Variants in NRXN1 observed in about 807,000 individuals in gnomAD.
The protein encoded by NRXN1 is neurexin-1.
NRXN1 carries 39 observed loss-of-function variants against 150.9 expected under a neutral mutation model. The ratio of observed to expected loss-of-function variants is 0.26; its 90% confidence interval spans 0.20 to 0.34. The LOEUF is 0.34. NRXN1 is among the 10% of genes least tolerant of loss of function. The pLI is 1.00. For synonymous variants in NRXN1, 924 were observed against 757.0 expected (o/e 1.22, Z -3.62); for missense variants, 1,815 against 1,949.9 (o/e 0.93, Z 1.30).
At chr2:50,141,431 C>T (rs977267807) in intron 18 of NRXN1, among the ~76,000 whole-genome samples, 6 of 151,848 alleles carry the variant, frequency 4.0e-5, no homozygotes, top group Non-Finnish European at 8.8e-5. Flanking sequence ...CTCAGAAACA[C>T]AGGGAACAAA....
At chr2:50,516,572 GT>G (rs781614431) in intron 12 of NRXN1, among the ~76,000 whole-genome samples, 1 of 152,110 alleles carries the variant, frequency 6.6e-6, no homozygotes, top group Non-Finnish European at 1.5e-5. Flanking sequence ...GCCAGGCCTG[GT>G]GCCAATCATG....
chr2:50,253,868 G>C (rs1432070312), intron 17 of NRXN1, among the ~76,000 whole-genome samples: 2 of 103,682 alleles, frequency 1.9e-5, no homozygotes, highest in African/African-American at 7.8e-5. Flanking sequence ...TTGACCTGAA[G>C]TTTTCTTTTT....
At chr2:50,639,609 A>G (rs537709234) in intron 5 of NRXN1, among the ~76,000 whole-genome samples, 1 of 152,140 alleles carries the variant, frequency 6.6e-6, no homozygotes, top group Non-Finnish European at 1.5e-5. Context: ...TGTAAAATAC[A>G]TGACAGTCTA....
chr2:50,768,547 T>C (rs1056106309), intron 5 of NRXN1, among the ~76,000 whole-genome samples: 1 of 151,864 alleles, frequency 6.6e-6, no homozygotes, highest in African/African-American at 2.4e-5. Flanking sequence ...GCTCAAGTGA[T>C]CTGCCCATGT....
chr2:50,503,446 C>T (rs1290408696), intron 13 of NRXN1, among the ~76,000 whole-genome samples: 1 of 149,752 alleles, frequency 6.7e-6, no homozygotes, highest in Non-Finnish European at 1.5e-5. Context: ...CATTTGCGCA[C>T]CAAAATCATA....
chr2:50,693,410 C>T (rs1692346557), intron 5 of NRXN1, among the ~76,000 whole-genome samples: 1 of 152,126 alleles, frequency 6.6e-6, no homozygotes, highest in Admixed American at 6.6e-5. Context: ...TGCCTCCTGA[C>T]TTCTTGGAGG....
chr2:50,024,376 A>G (rs931719645), intron 21 of NRXN1, among the ~76,000 whole-genome samples: 11 of 152,120 alleles, frequency 7.2e-5, no homozygotes, highest in African/African-American at 2.7e-4. Context: ...CCAAGGTTAA[A>G]CTCAAGATAA....
chr2:50,311,641 A>C (rs936209050), intron 17 of NRXN1, among the ~76,000 whole-genome samples: 4 of 152,080 alleles, frequency 2.6e-5, no homozygotes. Context: ...TCTCATGATG[A>C]CCTTTTCATA....
At chr2:50,670,477 G>A (rs962526792) in intron 5 of NRXN1, among the ~76,000 whole-genome samples, 5 of 151,918 alleles carry the variant, frequency 3.3e-5, no homozygotes, top group African/African-American at 9.7e-5. Context: ...TGTTAGTACA[G>A]ACAGTTACCA....
chr2:50,236,630 T>C (rs1436095661), intron 18 of NRXN1, among the ~76,000 whole-genome samples, 159 bp downstream of exon 18: 1 of 149,168 alleles, frequency 6.7e-6, no homozygotes, highest in Admixed American at 6.7e-5. Flanking sequence ...ACTACAGCAA[T>C]AGGTATATGG....
chr2:50,381,978 G>A (rs575795818), intron 17 of NRXN1, among the ~76,000 whole-genome samples: 19 of 152,118 alleles, frequency 1.2e-4, no homozygotes, highest in Non-Finnish European at 2.5e-4. Flanking sequence ...GGACAGAGAA[G>A]TTATTTAGTC....
chr2:50,243,682 G>C (rs1346594796), intron 17 of NRXN1, among the ~76,000 whole-genome samples: 1 of 151,756 alleles, frequency 6.6e-6, no homozygotes, highest in African/African-American at 2.4e-5. Flanking sequence ...CAGTATCCAG[G>C]AGGACTCATT....
At chr2:50,424,141 GA>G (rs1288418276) in intron 17 of NRXN1, among the ~76,000 whole-genome samples, 69 of 124,242 alleles carry the variant, frequency 5.6e-4, no homozygotes, top group African/African-American at 2.0e-3. Context: ...GGAGGAGGAG[GA>G]GGGGGGGAGG....
intron 17 of NRXN1, among the ~76,000 whole-genome samples, chr2:50,389,009 A>G (rs1325926785): frequency 6.6e-6 from 1 of 152,036 alleles, no homozygotes; most frequent in Non-Finnish European, 1.5e-5. Flanking sequence ...TCTACAAAAA[A>G]TCCCAAAAAT....
At chr2:50,222,022 T>C (rs2152859125) in intron 18 of NRXN1, among the ~76,000 whole-genome samples, 1 of 152,050 alleles carries the variant, frequency 6.6e-6, no homozygotes, top group Admixed American at 6.6e-5. Context: ...ACTGCAGGAT[T>C]GAAATAAAAA....
intron 5 of NRXN1, among the ~76,000 whole-genome samples, chr2:50,774,731 G>A (rs1009399994): frequency 6.6e-6 from 1 of 152,062 alleles, no homozygotes; most frequent in Non-Finnish European, 1.5e-5. Flanking sequence ...AATGACTCAA[G>A]TTCTAGTTCC....
intron 17 of NRXN1, among the ~76,000 whole-genome samples, chr2:50,330,625 T>C (rs533409793): frequency 1.3e-5 from 2 of 152,308 alleles, no homozygotes; most frequent in South Asian, 2.1e-4. Flanking sequence ...GTCAGCTTAA[T>C]GGTGCACACA....
At chr2:50,215,262 G>A (rs2063316210) in intron 18 of NRXN1, among the ~76,000 whole-genome samples, 1 of 151,836 alleles carries the variant, frequency 6.6e-6, no homozygotes, top group South Asian at 2.1e-4. Flanking sequence ...GTTATTATAA[G>A]GCTCTGAAGG....
intron 21 of NRXN1, among the ~76,000 whole-genome samples, chr2:50,004,390 A>C (rs1294722691): frequency 6.6e-6 from 1 of 152,074 alleles, no homozygotes; most frequent in Non-Finnish European, 1.5e-5. Flanking sequence ...AGAGTGGAAG[A>C]ATCTTTAGTA....
Sources: allele counts gnomAD v4.1 joint callset (sites outside exome capture counted in the v4.1 genomes callset), GRCh38; gene constraint gnomAD v4.1.1; transcripts MANE v1.5; gene names NCBI Gene and HGNC (gene_info 2026-07-23, HGNC 2026-07-21).